KALRN: variants seen among roughly 807,000 people sequenced by gnomAD.
KALRN encodes kalirin.
A neutral mutation model predicts 353.7 loss-of-function variants in KALRN; 70 were observed. The observed-to-expected ratio is 0.20, with a 90% confidence interval of 0.16 to 0.24. The LOEUF is 0.24. Among genes scored for constraint, KALRN ranks in the 10% least tolerant of loss-of-function variants. The probability of loss-of-function intolerance (pLI) is 1.00; values close to 1 mark genes in which losing one functional copy is unlikely to be tolerated. For synonymous variants in KALRN, 1,391 were observed against 1,434.8 expected (o/e 0.97, Z 0.69); for missense variants, 2,791 against 3,756.7 (o/e 0.74, Z 6.72).
At chr3:124,609,642 G>C (rs1008199007) in intron 34 of KALRN, among the ~76,000 whole-genome samples, 4 of 152,246 alleles carry the variant, frequency 2.6e-5, no homozygotes, top group Non-Finnish European at 1.5e-5. Flanking sequence ...CATTCCGGCA[G>C]ATGACTCAAG....
chr3:124,317,741 C>T (rs887505311), intron 6 of KALRN, among the ~76,000 whole-genome samples: 9 of 105,952 alleles, frequency 8.5e-5, no homozygotes, highest in Non-Finnish European at 1.5e-4. Flanking sequence ...AAAAAAAAGG[C>T]GGGGGCTGGG....
chr3:124,435,684 T>A (rs2093435727), intron 17 of KALRN, among the ~76,000 whole-genome samples: 1 of 152,160 alleles, frequency 6.6e-6, no homozygotes, highest in African/African-American at 2.4e-5. Context: ...CTTCTTTCAG[T>A]CCTTTCTGTT....
intron 26 of KALRN, among the ~76,000 whole-genome samples, chr3:124,476,968 G>A (rs73187380): frequency 0.012 from 1,773 of 152,292 alleles, 11 homozygotes; most frequent in South Asian, 0.022. Flanking sequence ...AATATATCAG[G>A]ATATATGAGT....
chr3:124,115,976 G>T (rs75386492), intron 1 of KALRN, among the ~76,000 whole-genome samples: 5,549 of 152,272 alleles, frequency 0.036, 148 homozygotes, highest in Non-Finnish European at 0.06. Context: ...GGTCCACAAA[G>T]AATCAAATTT....
At chr3:124,391,379 A>G (rs2089351262) in intron 11 of KALRN, among the ~76,000 whole-genome samples, 1 of 152,106 alleles carries the variant, frequency 6.6e-6, no homozygotes, top group South Asian at 2.1e-4. Flanking sequence ...GGGGGAAAAA[A>G]CACGCGTGGT....
At chr3:124,124,872 C>A (rs761804759) in intron 1 of KALRN, among the ~76,000 whole-genome samples, 2 of 152,156 alleles carry the variant, frequency 1.3e-5, no homozygotes, top group Non-Finnish European at 2.9e-5. Context: ...ATAGTGTGAA[C>A]ATAACTTTAT....
rs372276680 is a variant in KALRN at position 124,696,120 on chromosome 3, T to A, written c.7578-14T>A. 5.5e-5 allele frequency: 89 copies of A among 1,613,230 alleles called. No homozygotes were observed. Among genetic ancestry groups the A allele is most frequent in the Non-Finnish European group, 6.8e-5 (80 of 1,179,548 alleles). Reference sequence around the variant, plus strand: ...ATTACTGGAGTCTGAAGAGCATCCTTTTGGTGTCCCTAGTGATTCTGGAGA... The same window carrying A: ...ATTACTGGAGTCTGAAGAGCATCCTATTGGTGTCCCTAGTGATTCTGGAGA... On this transcript the variant is annotated splice_polypyrimidine_tract_variant and intron_variant, in intron 53 of 59. Transcript: ENST00000682506.
Position 124,632,647 on chromosome 3 carries a change from C to T in KALRN, c.5410C>T (p.Leu1804=), listed in dbSNP as rs1005007781. The part of the protein sequence containing the change: ...KVRDGRKSFD[L]GSPKPGDETT... ...TCGCGATGGTCGGAAGAGCTTTGAC[C>T]TGGGATCTCCCAAGCCTGGGGATGA... is the stretch of plus-strand genomic sequence containing the variant. The change falls in exon 35 of 60, where the codon CTG becomes TTG. Residue 1804 remains leucine, a synonymous_variant. Coordinates refer to ENST00000682506, the MANE Select transcript of KALRN (RefSeq NM_001388419.1). 1.2e-6 allele frequency: 2 copies of T among 1,613,994 alleles called. No individual in the cohort carries two copies. The highest frequency in any genetic ancestry group is 2.7e-5 in the African/African-American group (2 of 74,904).
intron 5 of KALRN, among the ~76,000 whole-genome samples, chr3:124,279,351 C>A (rs770228898): frequency 3.3e-5 from 5 of 152,128 alleles, no homozygotes; most frequent in Non-Finnish European, 4.4e-5. Flanking sequence ...ATGGCTGGAG[C>A]CTTGAAGACA....
intron 38 of KALRN, among the ~76,000 whole-genome samples, chr3:124,654,037 A>G (rs988052288): frequency 1.3e-5 from 2 of 152,210 alleles, no homozygotes; most frequent in Admixed American, 1.3e-4. Context: ...TCTGTCAGCA[A>G]ATAGCTTAGG....
Position 124,456,713 on chromosome 3 carries a change from C to A in KALRN, c.3839C>A (p.Ser1280Ter). ...GAAGTCAATGAAGAGAAGCGGAAGT[C>A]AGCCCGGAAGAAAGAGTACGTGTTG... ...NHEVNEEKRK[S>*]ARKKEFIMAE... Residue 1280 changes from serine to a stop codon, truncating the protein, a stop_gained, in exon 23 of 60, where the codon TCA becomes TAA. Transcript: ENST00000682506. LOFTEE classifies it high-confidence loss of function. 1 of 1,612,352 alleles carries A rather than the reference C, an allele frequency of 6.2e-7. No homozygotes were observed. The highest frequency in any genetic ancestry group is 1.1e-5 in the South Asian group (1 of 90,956).
chr3:124,164,217 T>A (rs1208617750), intron 1 of KALRN: 1 of 154,312 alleles, frequency 6.5e-6, no homozygotes, highest in Non-Finnish European at 1.4e-5. Flanking sequence ...CCATTGTTGC[T>A]GTATAAATCT....
chr3:124,417,948 G>T (rs1576755782), intron 14 of KALRN, among the ~76,000 whole-genome samples: 2 of 152,190 alleles, frequency 1.3e-5, no homozygotes, highest in Non-Finnish European at 2.9e-5. Flanking sequence ...CAGCATGAAG[G>T]AACAAATTCT....
intron 1 of KALRN, among the ~76,000 whole-genome samples, chr3:124,054,292 G>T: frequency 6.7e-6 from 1 of 150,252 alleles, no homozygotes; most frequent in South Asian, 2.1e-4. Context: ...GGAGGCCAAG[G>T]TGGGAGGATC....
chr3:124,243,955 C>A (rs538247166), intron 3 of KALRN, among the ~76,000 whole-genome samples: 5 of 152,056 alleles, frequency 3.3e-5, no homozygotes, highest in Non-Finnish European at 7.4e-5. Flanking sequence ...ACTGCTTTTT[C>A]AAAGTTAGGG....
chr3:124,649,790 A>AAATAG (rs2083182393), intron 37 of KALRN, among the ~76,000 whole-genome samples: 1 of 132,800 alleles, frequency 7.5e-6, no homozygotes. Flanking sequence ...CCTGTCTCAA[A>AAATAG]ATAGATAGAT....
intron 25 of KALRN, among the ~76,000 whole-genome samples, chr3:124,469,246 T>G (rs941339360): frequency 6.6e-5 from 10 of 152,200 alleles, no homozygotes; most frequent in Admixed American, 3.3e-4. Flanking sequence ...GGTTGGAGGC[T>G]GAGAGTGTGA....
intron 37 of KALRN, 76 bp downstream of exon 37, chr3:124,637,379 T>G (rs748776877): frequency 9.2e-7 from 1 of 1,088,420 alleles, no homozygotes; most frequent in Non-Finnish European, 1.4e-6. Context: ...TGTCTGCCGT[T>G]TTCTCCTTTG....
chr3:124,475,311 A>G (rs1484943504), intron 26 of KALRN, among the ~76,000 whole-genome samples: 1 of 152,200 alleles, frequency 6.6e-6, no homozygotes, highest in East Asian at 1.9e-4. Flanking sequence ...AAGATGAGTG[A>G]CTGTTCATCC....
Sources: allele counts gnomAD v4.1 joint callset (sites outside exome capture counted in the v4.1 genomes callset), GRCh38; gene constraint gnomAD v4.1.1; transcripts MANE v1.5; gene names NCBI Gene and HGNC (gene_info 2026-07-23, HGNC 2026-07-21).